Variants in MAN2A1 observed in about 807,000 individuals in gnomAD.
MAN2A1 encodes alpha-mannosidase 2.
In MAN2A1, 76 loss-of-function variants were observed where a neutral mutation model predicts 142.6. The observed-to-expected ratio is 0.53, with a 90% confidence interval of 0.44 to 0.65. The LOEUF (loss-of-function observed/expected upper bound fraction) is 0.65, where lower values mean the gene tolerates loss of function less well. MAN2A1 is among the 30% of genes least tolerant of loss of function. MAN2A1 has a pLI of 0.00. For missense variants in MAN2A1, 1,311 were observed against 1,365.1 expected (o/e 0.96, Z 0.62); for synonymous variants, 559 against 473.2 (o/e 1.18, Z -2.35).
chr5:109,747,819 C>T (rs748633642), intron 4 of MAN2A1, among the ~76,000 whole-genome samples: 3 of 152,140 alleles, frequency 2.0e-5, no homozygotes, highest in African/African-American at 2.4e-5. Context: ...ATACAAGATT[C>T]GTGCATAATT....
intron 1 of MAN2A1, among the ~76,000 whole-genome samples, chr5:109,696,166 T>C (rs1750805931): frequency 6.6e-6 from 1 of 152,040 alleles, no homozygotes; most frequent in African/African-American, 2.4e-5. Context: ...AGTGGTGCAA[T>C]CTCAGCTCAC....
chr5:109,775,736 T>A (rs1753272522), intron 8 of MAN2A1, among the ~76,000 whole-genome samples: 1 of 152,132 alleles, frequency 6.6e-6, no homozygotes, highest in Admixed American at 6.6e-5. Flanking sequence ...TTTAAAAATA[T>A]AACGATAATA....
chr5:109,769,147 C>T (rs1483139034), intron 6 of MAN2A1, among the ~76,000 whole-genome samples: 1 of 152,110 alleles, frequency 6.6e-6, no homozygotes, highest in Non-Finnish European at 1.5e-5. Context: ...TTTGTGGCGA[C>T]TATATGCTCA....
intron 21 of MAN2A1, among the ~76,000 whole-genome samples, chr5:109,865,840 T>G (rs1755865509): frequency 6.6e-6 from 1 of 152,164 alleles, no homozygotes; most frequent in Non-Finnish European, 1.5e-5. Flanking sequence ...GAAACAAACC[T>G]CCAATCTCCT....
intron 12 of MAN2A1, among the ~76,000 whole-genome samples, chr5:109,815,521 A>G (rs2112718599): frequency 6.6e-6 from 1 of 152,352 alleles, no homozygotes; most frequent in South Asian, 2.1e-4. Context: ...TAAGCCTAAT[A>G]GGAATTAGAG....
intron 4 of MAN2A1, among the ~76,000 whole-genome samples, chr5:109,745,971 CT>C (rs35057292): frequency 6.6e-6 from 1 of 152,012 alleles, no homozygotes; most frequent in East Asian, 1.9e-4. Context: ...AGTTCTGTTA[CT>C]TTTTTTTGTT....
chr5:109,847,986 AT>A (rs1224313923), intron 19 of MAN2A1, among the ~76,000 whole-genome samples, 196 bp downstream of exon 19: 1 of 152,138 alleles, frequency 6.6e-6, no homozygotes, highest in East Asian at 1.9e-4. Flanking sequence ...AGGTCTTTTT[AT>A]TTTTTATGTT....
At chr5:109,740,419 C>T (rs892103799) in intron 4 of MAN2A1, among the ~76,000 whole-genome samples, 4 of 152,156 alleles carry the variant, frequency 2.6e-5, no homozygotes, top group African/African-American at 9.7e-5. Context: ...GGCCTGTAAG[C>T]CAGGTAGGAG....
At chr5:109,839,631 G>A (rs374387562) in intron 16 of MAN2A1, among the ~76,000 whole-genome samples, 5 of 148,362 alleles carry the variant, frequency 3.4e-5, no homozygotes, top group African/African-American at 1.2e-4. Context: ...GAACAACATA[G>A]TGAGGCCCTG....
rs1754075319 is a variant in MAN2A1, at chr5:109,803,145, C to G, written c.1943+13618C>G. ...TTAAAAGAATCTTCCTTACCAGGCCCTTATAATTTAGTCTGCTATGATTTT... is the reference window on the plus strand; with the variant it reads ...TTAAAAGAATCTTCCTTACCAGGCCGTTATAATTTAGTCTGCTATGATTTT... On this transcript the variant is annotated intron_variant, in intron 12 of 21. Transcript: ENST00000261483. Among the ~76,000 whole-genome samples, 4 of 152,074 alleles carry G rather than the reference C, an allele frequency of 2.6e-5. No homozygotes were observed. The South Asian group carries it at 8.3e-4, about 32-fold the overall frequency.
chr5:109,708,826 T>C (rs922590187), intron 1 of MAN2A1, among the ~76,000 whole-genome samples: 4 of 152,146 alleles, frequency 2.6e-5, no homozygotes, highest in Admixed American at 6.5e-5. Flanking sequence ...GCCAGGCTCT[T>C]AGAGAGGATG....
chr5:109,740,483 G>C (rs1341741068), intron 4 of MAN2A1, among the ~76,000 whole-genome samples: 2 of 152,052 alleles, frequency 1.3e-5, no homozygotes, highest in African/African-American at 4.8e-5. Context: ...GAAGGAAACT[G>C]GGTCTGCTGC....
chr5:109,768,883 A>G (rs1019312540), intron 6 of MAN2A1, among the ~76,000 whole-genome samples: 1 of 152,332 alleles, frequency 6.6e-6, no homozygotes. Context: ...ACAATTGCCC[A>G]TAAATATCAG....
Position 109,845,180 on chromosome 5 carries a change from A to G in MAN2A1, c.2701-685A>G, listed in dbSNP as rs376466653. ...TATGTGGTATCATTAAGATTCACTG[A>G]TAATAGGGTTCTGAGCTTAGAGTCA... On this transcript the variant is annotated intron_variant, in intron 17 of 21. Transcript: ENST00000261483. Among the ~76,000 whole-genome samples the G allele has an allele frequency of 9.9e-5, 15 of 152,236 alleles. No individual in the cohort carries two copies. In the East Asian group the frequency reaches 1.2e-3, roughly 12 times the overall value.
chr5:109,785,875 A>G (rs1167726932), intron 10 of MAN2A1, among the ~76,000 whole-genome samples: 1 of 152,142 alleles, frequency 6.6e-6, no homozygotes, highest in Non-Finnish European at 1.5e-5. Flanking sequence ...TAGATTTTAA[A>G]AGTGAATATC....
chr5:109,709,966 A>G (rs1751249818), intron 1 of MAN2A1, among the ~76,000 whole-genome samples: 1 of 152,234 alleles, frequency 6.6e-6, no homozygotes, highest in Non-Finnish European at 1.5e-5. Flanking sequence ...CTACAAGTGC[A>G]TCCTTTTAAG....
chr5:109,770,848 A>G (rs983963007), intron 7 of MAN2A1, among the ~76,000 whole-genome samples: 1 of 152,194 alleles, frequency 6.6e-6, no homozygotes, highest in Non-Finnish European at 1.5e-5. Context: ...GATTTCATAT[A>G]CTTTTGTTGA....
At chr5:109,780,457 A>C (rs1047659859) in intron 8 of MAN2A1, among the ~76,000 whole-genome samples, 1 of 152,070 alleles carries the variant, frequency 6.6e-6, no homozygotes, top group African/African-American at 2.4e-5. Context: ...AGTGGTAGAG[A>C]TGGAATTCAA....
At position 109,819,662 on chromosome 5, in the gene MAN2A1, T is replaced by C. The variant is rs1754568245; in HGVS notation, c.2110-7T>C. On this transcript the variant is annotated splice_region_variant and splice_polypyrimidine_tract_variant and intron_variant, in intron 13 of 21. Transcript: ENST00000261483. ...CTTTAATAAATTCCCTTCCCTATCT[T>C]TTAAAGATCTCTTTTCGAGCACATA... is the stretch of plus-strand genomic sequence containing the variant. 6.6e-7 allele frequency: 1 copy of C among 1,526,714 alleles called. No homozygotes were observed. Among genetic ancestry groups the C allele is most frequent in the South Asian group, 1.3e-5 (1 of 79,902 alleles). 94.6% of individuals were successfully genotyped at this position (1,526,714 alleles called of 1,614,324 possible).
Sources: allele counts gnomAD v4.1 joint callset (sites outside exome capture counted in the v4.1 genomes callset), GRCh38; gene constraint gnomAD v4.1.1; transcripts MANE v1.5; gene names NCBI Gene and HGNC (gene_info 2026-07-23, HGNC 2026-07-21).